Variants in GEMIN8 observed in about 807,000 individuals in gnomAD.
The protein encoded by GEMIN8 is gem-associated protein 8.
For missense variants in GEMIN8, 185 were observed against 205.9 expected (o/e 0.90, Z 0.62); for synonymous variants, 80 against 78.5 (o/e 1.02, Z -0.10).
At chrX:13,988,319 G>A in the GEMIN8 span, among the ~76,000 whole-genome samples, 1 of 111,026 alleles carries the variant, frequency 9.0e-6, no homozygotes, top group African/African-American at 3.3e-5. Flanking sequence ...AGGTGGCAAA[G>A]TATTGTTTTA....
At chrX:13,997,222 G>A in the GEMIN8 span, among the ~76,000 whole-genome samples, 1 of 111,273 alleles carries the variant, frequency 9.0e-6, no homozygotes, top group Non-Finnish European at 1.9e-5. Flanking sequence ...TTACAGACAT[G>A]AGCCACCGTG....
chrX:14,008,445 T>A lies in GEMIN8; in HGVS notation c.*468A>T, dbSNP rs1206767779. ...TCTCTGGCCCTTTATAGAACATGCA[T>A]CCCTCTCCACTACAGGTAGTGGTAT... On this transcript the variant is annotated 3_prime_UTR_variant, in exon 5 of 5. Coordinates refer to ENST00000680255, the MANE Select transcript of GEMIN8 (RefSeq NM_001042479.2). 1.6e-5 allele frequency: 2 copies of A among 121,509 alleles called. No individual in the cohort carries two copies. The highest frequency in any genetic ancestry group is 3.3e-5 in the Non-Finnish European group (2 of 60,068). 10.0% of individuals were successfully genotyped at this position (121,509 alleles called of 1,213,427 possible).
the GEMIN8 span, among the ~76,000 whole-genome samples, chrX:13,984,777 G>A: frequency 7.2e-5 from 8 of 111,578 alleles, no homozygotes; most frequent in Non-Finnish European, 1.5e-4. Context: ...TATTGAGCTG[G>A]CTATCATTGT....
the GEMIN8 span, among the ~76,000 whole-genome samples, chrX:14,000,083 T>C: frequency 2.7e-5 from 3 of 109,371 alleles, no homozygotes; most frequent in Non-Finnish European, 3.8e-5. Flanking sequence ...GGCAGGAGGA[T>C]TGCTTGAGCC....
the GEMIN8 span, among the ~76,000 whole-genome samples, chrX:13,991,712 G>A: frequency 7.6e-4 from 74 of 97,550 alleles, no homozygotes; most frequent in Non-Finnish European, 1.3e-3. Context: ...TGACATACAC[G>A]CACACACACA....
intron 2 of GEMIN8, among the ~76,000 whole-genome samples, chrX:14,024,681 T>C (rs1924580901): frequency 9.0e-6 from 1 of 111,567 alleles, no homozygotes; most frequent in Non-Finnish European, 1.9e-5. Flanking sequence ...TTGAGATGAC[T>C]GAAGAAAGCC....
intron 4 of GEMIN8, among the ~76,000 whole-genome samples, chrX:14,011,860 AT>A (rs1156554436): frequency 9.1e-6 from 1 of 110,211 alleles, no homozygotes; most frequent in Non-Finnish European, 1.9e-5. Flanking sequence ...TTTCCTTATA[AT>A]TTAAAATGTT....
the GEMIN8 span, among the ~76,000 whole-genome samples, chrX:13,997,750 T>C: frequency 9.1e-6 from 1 of 109,548 alleles, no homozygotes; most frequent in Non-Finnish European, 1.9e-5. Flanking sequence ...CAAAAATTAT[T>C]AGCCAGGTGT....
At chrX:13,991,933 T>G in the GEMIN8 span, among the ~76,000 whole-genome samples, 2 of 111,960 alleles carry the variant, frequency 1.8e-5, no homozygotes, top group Non-Finnish European at 3.8e-5. Context: ...ATTTCAATTG[T>G]CTCTTCCTGC....
chrX:13,993,341 G>A, the GEMIN8 span, among the ~76,000 whole-genome samples: 1 of 110,776 alleles, frequency 9.0e-6, no homozygotes, highest in South Asian at 3.9e-4. Flanking sequence ...GGATATAGGG[G>A]GTGTTGAGCT....
chrX:13,997,416 C>G, the GEMIN8 span, among the ~76,000 whole-genome samples: 1 of 111,671 alleles, frequency 9.0e-6, no homozygotes, highest in Admixed American at 9.5e-5. Flanking sequence ...CTAACCAGCC[C>G]CTGGCTGACC....
chrX:14,006,661 G>A (rs1258147059), downstream of GEMIN8, among the ~76,000 whole-genome samples: 1 of 111,355 alleles, frequency 9.0e-6, no homozygotes, highest in Non-Finnish European at 1.9e-5. Flanking sequence ...ACATTTCTCC[G>A]TATTTAGAAA....
chrX:13,997,790 C>T, the GEMIN8 span, among the ~76,000 whole-genome samples: 5 of 106,872 alleles, frequency 4.7e-5, no homozygotes, highest in African/African-American at 1.7e-4. Flanking sequence ...CCAAGCTACT[C>T]GGGAGGCTTG....
intron 2 of GEMIN8, among the ~76,000 whole-genome samples, chrX:14,022,699 G>A (rs2147139031): frequency 8.9e-6 from 1 of 111,773 alleles, no homozygotes; most frequent in East Asian, 2.8e-4. Context: ...AAGTTTCTGT[G>A]AGACAAAACC....
chrX:13,994,147 A>G, the GEMIN8 span, among the ~76,000 whole-genome samples: 4 of 112,003 alleles, frequency 3.6e-5, no homozygotes, highest in South Asian at 7.5e-4. Context: ...ATGACCAGCG[A>G]TTCTGCTTTA....
intron 2 of GEMIN8, among the ~76,000 whole-genome samples, chrX:14,022,049 T>C (rs1048785227): frequency 1.3e-4 from 13 of 97,936 alleles, no homozygotes; most frequent in African/African-American, 4.0e-4. Context: ...ATATAATGTG[T>C]ATATATATGT....
chrX:13,999,683 C>T, the GEMIN8 span, among the ~76,000 whole-genome samples: 1 of 112,020 alleles, frequency 8.9e-6, no homozygotes, highest in Non-Finnish European at 1.9e-5. Flanking sequence ...GTGACAGTTT[C>T]TCAGTCTTTC....
At position 14,007,260 on chromosome X, in the gene GEMIN8, T is replaced by C. The variant is rs1923212525; in HGVS notation, c.*1653A>G. Among the ~76,000 whole-genome samples the C allele has an allele frequency of 9.0e-6, 1 of 111,618 alleles. No individual in the cohort carries two copies. Among genetic ancestry groups the C allele is most frequent in the Non-Finnish European group, 1.9e-5 (1 of 53,154 alleles). On this transcript the variant is annotated 3_prime_UTR_variant, in exon 5 of 5. Transcript: ENST00000680255. Reference sequence around the variant, plus strand: ...CAGGGGCTGAATGTGAAGCCAACTGTTCTTAGAGAGAAACATGTCAATACT... The same window carrying C: ...CAGGGGCTGAATGTGAAGCCAACTGCTCTTAGAGAGAAACATGTCAATACT...
At chrX:14,013,066 G>C (rs762038932) in intron 4 of GEMIN8, among the ~76,000 whole-genome samples, 2 of 112,513 alleles carry the variant, frequency 1.8e-5, no homozygotes, top group Non-Finnish European at 3.8e-5. Flanking sequence ...ACTGACTTAG[G>C]GGACCAAGTA....
Sources: allele counts gnomAD v4.1 joint callset (sites outside exome capture counted in the v4.1 genomes callset), GRCh38; gene constraint gnomAD v4.1.1; transcripts MANE v1.5; gene names NCBI Gene and HGNC (gene_info 2026-07-23, HGNC 2026-07-21).